The following PCLO variants were observed in gnomAD, a reference collection of about 807,000 sequenced individuals.
PCLO encodes the protein protein piccolo.
A neutral mutation model predicts 427.5 loss-of-function variants in PCLO; 82 were observed. That is an observed-to-expected ratio of 0.19 (90% CI 0.16 to 0.23). PCLO has a LOEUF of 0.23. Ranked by LOEUF, PCLO falls within the 10% of genes least tolerant of loss-of-function variation. The pLI, the probability that PCLO is intolerant of heterozygous loss-of-function variation, is 1.00. For synonymous variants in PCLO, 2,357 were observed against 2,155.4 expected, an observed-to-expected ratio of 1.09 and a Z score of -2.59; for missense variants, 6,239 against 6,115.9, an observed-to-expected ratio of 1.02 and a Z score of -0.67.
At position 83,121,712 on chromosome 7, in the gene PCLO, C is replaced by T. The variant is rs374893042; in HGVS notation, c.3300+12538G>A. Among the ~76,000 whole-genome samples, 16 of 151,762 alleles carry T rather than the reference C, an allele frequency of 1.1e-4. 1 individual carries two copies. Among genetic ancestry groups the T allele is most frequent in the East Asian group, 7.7e-4 (4 of 5,182 alleles). On this transcript the variant is annotated intron_variant, in intron 3 of 24. Transcript: ENST00000333891. ...TCATGCAAATGAAAACAAAAAAAAGCATGGATTGCTATACTTAGACAAATG... is the reference window on the plus strand; with the variant it reads ...TCATGCAAATGAAAACAAAAAAAAGTATGGATTGCTATACTTAGACAAATG...
intron 9 of PCLO, among the ~76,000 whole-genome samples, chr7:82,897,153 A>G (rs1266594969): frequency 6.6e-6 from 1 of 151,684 alleles, no homozygotes; most frequent in Non-Finnish European, 1.5e-5. Context: ...ACTTACAATT[A>G]TGAGATACAT....
chr7:82,871,435 G>A (rs1456898276), intron 10 of PCLO, among the ~76,000 whole-genome samples: 4 of 151,632 alleles, frequency 2.6e-5, no homozygotes, highest in Admixed American at 1.3e-4. Flanking sequence ...TAAAATAGCC[G>A]TTACCTCATG....
intron 10 of PCLO, among the ~76,000 whole-genome samples, chr7:82,875,308 A>T (rs1361324666): frequency 6.6e-6 from 1 of 152,088 alleles, no homozygotes; most frequent in Non-Finnish European, 1.5e-5. Context: ...TACCATTAGG[A>T]GTGTTTTAAA....
In PCLO at chr7:82,916,036, G is replaced by C; in HGVS notation, c.11950C>G (p.Gln3984Glu). 2 of 1,612,898 alleles carry C rather than the reference G, an allele frequency of 1.2e-6. No homozygotes were observed. The highest frequency in any genetic ancestry group is 1.7e-6 in the Non-Finnish European group (2 of 1,179,756). ...GAAACAGGTGCTATCATAAGGGGTT[G>C]GTTGCGAATCACTTCATAGTTTGAG... Reference protein sequence around the residue: ...ITSNYEVIRNQPLMIAPVSTD... With the variant: ...ITSNYEVIRNEPLMIAPVSTD... Residue 3984 changes from glutamine (Q) to glutamate (E), a missense_variant, in exon 7 of 25, where the codon CAA becomes GAA. By Grantham distance (29) the Gln-to-Glu change is conservative. Around this residue, in one of 5 missense-constraint regions of PCLO, gnomAD observed 680 missense variants for 677.3 expected, o/e 1.00. Transcript: ENST00000333891.
intron 22 of PCLO, among the ~76,000 whole-genome samples, chr7:82,772,561 T>C (rs60328758): frequency 0.063 from 9,649 of 152,204 alleles, 708 homozygotes; most frequent in African/African-American, 0.18. Flanking sequence ...CGAGATATTT[T>C]ATACAATAAG....
At chr7:82,768,485 CTT>C (rs1790580714) in intron 22 of PCLO, among the ~76,000 whole-genome samples, 1 of 151,378 alleles carries the variant, frequency 6.6e-6, no homozygotes, top group African/African-American at 2.4e-5. Flanking sequence ...AATTTTGTCT[CTT>C]AAACTTCGTG....
chr7:82,794,204 G>A (rs1433049549), intron 22 of PCLO, among the ~76,000 whole-genome samples: 2 of 151,714 alleles, frequency 1.3e-5, no homozygotes, highest in African/African-American at 4.8e-5. Flanking sequence ...GATGTCTCAC[G>A]CTGCAAGTTT....
At chr7:83,061,096 T>A (rs924002073) in intron 3 of PCLO, among the ~76,000 whole-genome samples, 3 of 152,194 alleles carry the variant, frequency 2.0e-5, no homozygotes, top group Non-Finnish European at 2.9e-5. Context: ...CAACAAAAAT[T>A]TTTCATCCTG....
intron 22 of PCLO, among the ~76,000 whole-genome samples, chr7:82,774,928 C>CACTG (rs1484786250): frequency 3.3e-5 from 5 of 152,148 alleles, no homozygotes; most frequent in African/African-American, 1.2e-4. Flanking sequence ...CCCTGGCAGC[C>CACTG]ACTGATCTTT....
chr7:82,968,341 G>A (rs1795825923), intron 3 of PCLO, among the ~76,000 whole-genome samples: 1 of 152,074 alleles, frequency 6.6e-6, no homozygotes, highest in Non-Finnish European at 1.5e-5. Flanking sequence ...AAAGTCATTG[G>A]AAAGAAGATT....
chr7:83,038,030 TTTA>T (rs1788856567), intron 3 of PCLO, among the ~76,000 whole-genome samples: 1 of 35,664 alleles, frequency 2.8e-5, no homozygotes, highest in Non-Finnish European at 4.3e-5. Context: ...TATATATATA[TTTA>T]TATATTTATA....
intron 3 of PCLO, among the ~76,000 whole-genome samples, chr7:83,017,337 G>T: frequency 6.6e-6 from 1 of 151,364 alleles, no homozygotes. Context: ...ATTTTTTTTT[G>T]AAAACTTTAC....
chr7:83,035,534 T>C (rs1338114193), intron 3 of PCLO, among the ~76,000 whole-genome samples: 3 of 152,140 alleles, frequency 2.0e-5, no homozygotes, highest in Admixed American at 6.6e-5. Context: ...CTGTAGTATA[T>C]TAACTGGTTT....
intron 20 of PCLO, among the ~76,000 whole-genome samples, chr7:82,811,607 C>T (rs1791573503): frequency 6.6e-6 from 1 of 151,460 alleles, no homozygotes; most frequent in African/African-American, 2.4e-5. Flanking sequence ...TTCAGGGGTT[C>T]TAGTTTAAGA....
At chr7:82,759,190 T>C (rs929444716) in intron 24 of PCLO, among the ~76,000 whole-genome samples, 3 of 151,900 alleles carry the variant, frequency 2.0e-5, no homozygotes, top group African/African-American at 7.2e-5. Context: ...AGTATGTACT[T>C]CCAAGCTGTT....
Position 82,954,847 on chromosome 7 carries a change from T to C in PCLO, c.6106A>G (p.Ile2036Val). The C allele has an allele frequency of 6.2e-7, 1 of 1,613,930 alleles. No individual in the cohort carries two copies. Among genetic ancestry groups the C allele is most frequent in the African/African-American group, 1.3e-5 (1 of 75,038 alleles). The part of the protein sequence containing the change: ...QEDIVSSSFI[I>V]PESHEIVDLG... ...TCCACTATCTCATGGCTTTCTGGGA[T>C]GATAAAAGAGCTTGAAACAATATCT... Residue 2036 changes from isoleucine to valine, a missense_variant, in exon 5 of 25, where the codon ATC becomes GTC. Physicochemically the swap from Ile to Val is conservative, Grantham distance 29 (BLOSUM62 3). Around this residue, in one of 5 missense-constraint regions of PCLO, gnomAD observed 4,677 missense variants for 4,468.4 expected, o/e 1.05. Transcript: ENST00000333891.
At chr7:83,077,026 A>G (rs1404458689) in intron 3 of PCLO, among the ~76,000 whole-genome samples, 1 of 151,436 alleles carries the variant, frequency 6.6e-6, no homozygotes, top group East Asian at 1.9e-4. Context: ...GCATTGATAT[A>G]TATATATATT....
intron 3 of PCLO, among the ~76,000 whole-genome samples, chr7:83,067,987 G>A (rs1435993636): frequency 1.7e-4 from 9 of 53,364 alleles, no homozygotes; most frequent in African/African-American, 7.3e-4. Context: ...TGTTTTAAGC[G>A]GGTAATATAA....
At chr7:83,005,684 G>A (rs187483529) in intron 3 of PCLO, among the ~76,000 whole-genome samples, 1 of 151,618 alleles carries the variant, frequency 6.6e-6, no homozygotes, top group East Asian at 1.9e-4. Context: ...CAGTGTACAG[G>A]TAGGTATATG....
Sources: allele counts gnomAD v4.1 joint callset (sites outside exome capture counted in the v4.1 genomes callset), GRCh38; gene constraint gnomAD v4.1.1; regional missense constraint gnomAD v4.1.1; transcripts MANE v1.5; gene names NCBI Gene and HGNC (gene_info 2026-07-23, HGNC 2026-07-21).